The following DOK6 variants were observed in gnomAD, a reference collection of about 807,000 sequenced individuals.
DOK6 encodes downstream of tyrosine kinase 6.
DOK6 carries 22 observed loss-of-function variants against 44.0 expected under a neutral mutation model. The observed-to-expected ratio is 0.50, with a 90% CI of 0.36 to 0.71. The LOEUF is 0.71. DOK6 is among the 30% of genes least tolerant of loss of function. DOK6 has a pLI of 0.00. For missense variants in DOK6, 340 were observed against 416.4 expected (o/e 0.82, Z 1.60); for synonymous variants, 166 against 145.5 (o/e 1.14, Z -1.01).
chr18:69,586,003 G>C (rs974732636), intron 2 of DOK6, among the ~76,000 whole-genome samples: 1 of 152,122 alleles, frequency 6.6e-6, no homozygotes, highest in Non-Finnish European at 1.5e-5. Context: ...ACCAGAACTT[G>C]ATCTCTCTAT....
intron 3 of DOK6, among the ~76,000 whole-genome samples, chr18:69,654,291 G>A (rs2144665694): frequency 6.6e-6 from 1 of 152,272 alleles, no homozygotes; most frequent in South Asian, 2.1e-4. Context: ...TATTTGAATG[G>A]AAATTGGCAG....
intron 7 of DOK6, among the ~76,000 whole-genome samples, chr18:69,789,667 G>C (rs1247558539): frequency 6.6e-6 from 1 of 152,090 alleles, no homozygotes; most frequent in Non-Finnish European, 1.5e-5. Context: ...ATTCTTGGCA[G>C]TATTTCTTTT....
At chr18:69,840,401 G>T (rs1402943951) in intron 7 of DOK6, among the ~76,000 whole-genome samples, 1 of 152,132 alleles carries the variant, frequency 6.6e-6, no homozygotes, top group Non-Finnish European at 1.5e-5. Flanking sequence ...AAAGGATGAG[G>T]GGGAAAAAAC....
At chr18:69,401,439 G>T (rs944233404) in intron 1 of DOK6, 129 bp downstream of exon 1, 9 of 1,119,906 alleles carry the variant, frequency 8.0e-6, no homozygotes, top group Non-Finnish European at 1.1e-5. Flanking sequence ...TAGGCGGATG[G>T]CCCGCTTGTT....
chr18:69,666,512 C>A (rs925131291), intron 3 of DOK6, among the ~76,000 whole-genome samples: 1 of 152,118 alleles, frequency 6.6e-6, no homozygotes, highest in Non-Finnish European at 1.5e-5. Flanking sequence ...TGTCTTAACC[C>A]AACCAATTTT....
intron 4 of DOK6, among the ~76,000 whole-genome samples, chr18:69,691,228 T>TAAATAAAA (rs1555724029): frequency 1.4e-3 from 206 of 144,562 alleles, no homozygotes; most frequent in African/African-American, 2.7e-3. Context: ...AATAAATAAA[T>TAAATAAAA]AAAAATATAG....
intron 7 of DOK6, among the ~76,000 whole-genome samples, chr18:69,803,593 G>A (rs1316389263): frequency 3.3e-5 from 5 of 152,154 alleles, no homozygotes; most frequent in Non-Finnish European, 7.4e-5. Flanking sequence ...CTATGACCAG[G>A]TGGCTCACGC....
intron 3 of DOK6, among the ~76,000 whole-genome samples, chr18:69,643,086 A>G (rs909554283): frequency 1.3e-5 from 2 of 152,136 alleles, no homozygotes; most frequent in African/African-American, 4.8e-5. Context: ...TTCTTTTTAT[A>G]TTCACTGTAA....
chr18:69,457,408 C>G (rs1407235006), intron 1 of DOK6, among the ~76,000 whole-genome samples: 1 of 152,056 alleles, frequency 6.6e-6, no homozygotes, highest in African/African-American at 2.4e-5. Context: ...AATAGAGAGT[C>G]CTTTCTCTGT....
intron 1 of DOK6, among the ~76,000 whole-genome samples, chr18:69,485,892 T>TGG (rs1980563922): frequency 6.6e-6 from 1 of 151,198 alleles, no homozygotes; most frequent in African/African-American, 2.4e-5. Flanking sequence ...TGTGTGTGTG[T>TGG]GTGTGTGTGT....
intron 3 of DOK6, among the ~76,000 whole-genome samples, chr18:69,653,311 A>G (rs1327743528): frequency 4.2e-5 from 2 of 47,758 alleles, no homozygotes; most frequent in Admixed American, 3.1e-4. Context: ...GACTGGGACA[A>G]AAAAAAAAAA....
intron 3 of DOK6, among the ~76,000 whole-genome samples, chr18:69,670,727 C>CTCAA (rs1486926847): frequency 6.6e-6 from 1 of 152,042 alleles, no homozygotes; most frequent in Non-Finnish European, 1.5e-5. Context: ...CTAGGATGGT[C>CTCAA]TCAATCTCTT....
chr18:69,827,923 T>C (rs62090539), intron 7 of DOK6, among the ~76,000 whole-genome samples: 17,444 of 151,990 alleles, frequency 0.11, 1,065 homozygotes, highest in East Asian at 0.16. Context: ...TTTTTCTTAA[T>C]ATATCGTTTT....
intron 1 of DOK6, among the ~76,000 whole-genome samples, chr18:69,482,049 T>C (rs1980438879): frequency 6.6e-6 from 1 of 152,212 alleles, no homozygotes; most frequent in South Asian, 2.1e-4. Context: ...TCATATCCTT[T>C]GCCCAATTTT....
chr18:69,623,933 G>C (rs1328060672), intron 3 of DOK6, among the ~76,000 whole-genome samples: 1 of 152,120 alleles, frequency 6.6e-6, no homozygotes, highest in Non-Finnish European at 1.5e-5. Flanking sequence ...GCAGAAAGGA[G>C]TAATTTATAG....
At chr18:69,663,492 A>C (rs1470884976) in intron 3 of DOK6, 1 of 152,154 alleles carries the variant, frequency 6.6e-6, no homozygotes, top group African/African-American at 2.4e-5. Flanking sequence ...CTCCACCTGG[A>C]ATATGAAAAT....
chr18:69,800,857 T>C (rs977768313), intron 7 of DOK6, among the ~76,000 whole-genome samples: 22 of 152,160 alleles, frequency 1.4e-4, no homozygotes, highest in African/African-American at 5.3e-4. Context: ...ATACATGACT[T>C]TTGAAATATT....
At chr18:69,763,442 A>G (rs1365975456) in intron 7 of DOK6, among the ~76,000 whole-genome samples, 2 of 152,186 alleles carry the variant, frequency 1.3e-5, no homozygotes, top group East Asian at 3.9e-4. Flanking sequence ...TAAACCGTAA[A>G]GGGATGAACA....
chr18:69,413,178 T>C (rs944935859), intron 1 of DOK6, among the ~76,000 whole-genome samples: 2 of 152,156 alleles, frequency 1.3e-5, no homozygotes, highest in Admixed American at 1.3e-4. Flanking sequence ...CTTCTGTTGC[T>C]TGCAACTAAT....
Sources: allele counts gnomAD v4.1 joint callset (sites outside exome capture counted in the v4.1 genomes callset), GRCh38; gene constraint gnomAD v4.1.1; transcripts MANE v1.5; gene names NCBI Gene and HGNC (gene_info 2026-07-23, HGNC 2026-07-21).